Variants in UMAD1 observed in about 807,000 individuals in gnomAD.
UMAD1 encodes UBAP1-MVB12-associated (UMA)-domain containing protein 1.
A neutral mutation model predicts 6.1 loss-of-function variants in UMAD1; 8 were observed. The observed-to-expected ratio is 1.30, with a 90% CI of 0.76 to 2.35. UMAD1 has a LOEUF of 2.35. UMAD1 is among the 30% of genes most tolerant of loss of function. The pLI is 0.00. For missense variants in UMAD1, 130 were observed against 78.4 expected, an observed-to-expected ratio of 1.66 and a Z score of -2.49; for synonymous variants, 56 against 31.4, an observed-to-expected ratio of 1.78 and a Z score of -2.61.
intron 1 of UMAD1, among the ~76,000 whole-genome samples, chr7:7,655,950 C>G (rs1785331146): frequency 6.6e-6 from 1 of 152,140 alleles, no homozygotes; most frequent in African/African-American, 2.4e-5. Context: ...ATTCTCCTGC[C>G]TCAGCCTTCC....
intron 1 of UMAD1, among the ~76,000 whole-genome samples, chr7:7,655,490 A>G (rs1294324400): frequency 6.6e-6 from 1 of 152,216 alleles, no homozygotes; most frequent in East Asian, 1.9e-4. Context: ...ATTCCTCCAG[A>G]GTCCTCCCTG....
In UMAD1 at chr7:7,673,299, T is replaced by G. The variant is rs1393722634; in HGVS notation, c.-63-10T>G. On this transcript the variant is annotated splice_polypyrimidine_tract_variant and intron_variant, in intron 1 of 3. Transcript: ENST00000682710. Reference sequence around the variant, plus strand: ...TCTGAATTTGACATTGTGTAATGTTTCTATTTCAGGTAGCAGCAGCAGCAG... The same window carrying G: ...TCTGAATTTGACATTGTGTAATGTTGCTATTTCAGGTAGCAGCAGCAGCAG... 1 of 1,208,906 alleles carries G rather than the reference T, an allele frequency of 8.3e-7. No individual in the cohort carries two copies. The highest frequency in any genetic ancestry group is 1.2e-6 in the Non-Finnish European group (1 of 852,086). The allele number at this position is 1,208,906 out of a possible 1,614,324, so 74.9% of individuals were successfully genotyped here.
intron 1 of UMAD1, among the ~76,000 whole-genome samples, chr7:7,649,299 G>A (rs141817717): frequency 2.0e-5 from 3 of 152,240 alleles, no homozygotes; most frequent in African/African-American, 7.2e-5. Flanking sequence ...AGAAAGGCAA[G>A]AGACCATGAG....
intron 2 of UMAD1, chr7:7,718,432 A>T (rs1346418418): frequency 6.6e-6 from 1 of 152,238 alleles, no homozygotes; most frequent in Non-Finnish European, 1.5e-5. Context: ...TCTAAACTTG[A>T]CTATGTGTGT....
chr7:7,872,457 A>G (rs1341909438), intron 3 of UMAD1, among the ~76,000 whole-genome samples: 4 of 152,228 alleles, frequency 2.6e-5, no homozygotes, highest in Admixed American at 1.3e-4. Flanking sequence ...GTCATCTTAC[A>G]TGGGCATGGT....
intron 2 of UMAD1, among the ~76,000 whole-genome samples, chr7:7,701,189 A>G (rs1033313209): frequency 6.6e-6 from 1 of 152,200 alleles, no homozygotes; most frequent in African/African-American, 2.4e-5. Context: ...GGAGGAATGG[A>G]ATCTATCATA....
chr7:7,787,742 C>G (rs956272655), intron 2 of UMAD1, among the ~76,000 whole-genome samples: 14 of 152,190 alleles, frequency 9.2e-5, no homozygotes, highest in Non-Finnish European at 1.5e-5. Flanking sequence ...TTGCAAACTT[C>G]TGGGAAGTAT....
At chr7:7,666,518 T>A (rs1244956032) in intron 1 of UMAD1, among the ~76,000 whole-genome samples, 2 of 152,088 alleles carry the variant, frequency 1.3e-5, no homozygotes, top group African/African-American at 2.4e-5. Context: ...GGGGCAAATC[T>A]TTTTAATTTT....
chr7:7,673,449 T>C lies in UMAD1; in HGVS notation c.78T>C (p.Leu26=). ...VPETEADGFV[L]LGDTTDEQRM... is the part of the protein sequence containing the mutation. ...AGACAGAAGCAGATGGATTCGTCCT[T>C]TTAGGTGAGTCTTTTTAAGAAACAA... is the stretch of plus-strand genomic sequence containing the variant. The change falls in exon 2 of 4, where the codon CTT becomes CTC. Residue 26 remains leucine, a synonymous_variant. Coordinates refer to ENST00000682710, the MANE Select transcript of UMAD1 (RefSeq NM_001302348.2). The C allele has an allele frequency of 1.2e-6, 1 of 841,390 alleles. No homozygotes were observed. Among genetic ancestry groups the C allele is most frequent in the South Asian group, 1.4e-5 (1 of 70,292 alleles). The allele number at this position is 841,390 out of a possible 1,614,324, so 52.1% of individuals were successfully genotyped here.
chr7:7,656,778 T>A (rs189971231), intron 1 of UMAD1, among the ~76,000 whole-genome samples: 11 of 152,342 alleles, frequency 7.2e-5, no homozygotes, highest in African/African-American at 2.2e-4. Flanking sequence ...TAAACATACG[T>A]GCGCATGTGT....
At chr7:7,645,281 A>G (rs1480550064) in intron 1 of UMAD1, among the ~76,000 whole-genome samples, 1 of 152,210 alleles carries the variant, frequency 6.6e-6, no homozygotes, top group East Asian at 1.9e-4. Flanking sequence ...TTAAGTCAAG[A>G]TGGGGTTTAG....
intron 3 of UMAD1, among the ~76,000 whole-genome samples, chr7:7,876,352 T>C (rs1316593230): frequency 1.3e-5 from 2 of 152,134 alleles, no homozygotes; most frequent in African/African-American, 2.4e-5. Context: ...TGGAGCCAGA[T>C]GGCGAAGGAG....
intron 1 of UMAD1, among the ~76,000 whole-genome samples, chr7:7,650,940 G>C (rs145075234): frequency 3.3e-5 from 5 of 152,286 alleles, no homozygotes; most frequent in African/African-American, 4.8e-5. Flanking sequence ...TGTATAGTCA[G>C]ATTTGTTGTA....
At chr7:7,834,825 C>T (rs1273252617) in intron 3 of UMAD1, among the ~76,000 whole-genome samples, 1 of 152,092 alleles carries the variant, frequency 6.6e-6, no homozygotes, top group Non-Finnish European at 1.5e-5. Context: ...CACAATTAGT[C>T]CATAGCAGAC....
At chr7:7,703,719 C>T (rs970170946) in intron 2 of UMAD1, among the ~76,000 whole-genome samples, 27 of 152,116 alleles carry the variant, frequency 1.8e-4, no homozygotes, top group Admixed American at 1.6e-3. Flanking sequence ...ACTGGCAGAT[C>T]GCTTGAGCCC....
intron 2 of UMAD1, among the ~76,000 whole-genome samples, chr7:7,777,338 C>G (rs1176967803): frequency 1.3e-5 from 2 of 151,286 alleles, no homozygotes; most frequent in Non-Finnish European, 1.5e-5. Context: ...AACCCTATCT[C>G]TACTAAAAAT....
At chr7:7,836,058 A>T (rs1441350506) in intron 3 of UMAD1, among the ~76,000 whole-genome samples, 1 of 152,044 alleles carries the variant, frequency 6.6e-6, no homozygotes, top group African/African-American at 2.4e-5. Context: ...GGTCTTTATT[A>T]ATATAGTCTT....
At chr7:7,796,212 T>C (rs993976242) in intron 2 of UMAD1, among the ~76,000 whole-genome samples, 1 of 151,228 alleles carries the variant, frequency 6.6e-6, no homozygotes, top group Non-Finnish European at 1.5e-5. Context: ...AGCATTCTTC[T>C]GGCTGTACTT....
chr7:7,695,237 C>G (rs527524808), intron 2 of UMAD1, among the ~76,000 whole-genome samples: 1 of 152,260 alleles, frequency 6.6e-6, no homozygotes, highest in East Asian at 1.9e-4. Flanking sequence ...TGCTGCCAAC[C>G]AAGTAGCCGT....
Sources: allele counts gnomAD v4.1 joint callset (sites outside exome capture counted in the v4.1 genomes callset), GRCh38; gene constraint gnomAD v4.1.1; transcripts MANE v1.5; gene names NCBI Gene and HGNC (gene_info 2026-07-23, HGNC 2026-07-21).